SLC25A21: variants seen among roughly 807,000 people sequenced by gnomAD.
The protein encoded by SLC25A21 is solute carrier family 25 member 21, also known as mitochondrial 2-oxodicarboxylate carrier.
Under a neutral mutation model 43.8 loss-of-function variants are expected in SLC25A21, and 47 were observed. That is an observed-to-expected ratio of 1.07 (90% confidence interval 0.85 to 1.37). SLC25A21 has a LOEUF of 1.37. Ranked by LOEUF, SLC25A21 falls within the 40% of genes most tolerant of loss-of-function variation. The pLI, the probability that SLC25A21 is intolerant of heterozygous loss-of-function variation, is 0.00. For missense variants in SLC25A21, 352 were observed against 350.2 expected (o/e 1.00, Z -0.04); for synonymous variants, 131 against 121.3 (o/e 1.08, Z -0.52).
At chr14:37,058,158 G>A (rs1265777072) in intron 1 of SLC25A21, among the ~76,000 whole-genome samples, 1 of 152,142 alleles carries the variant, frequency 6.6e-6, no homozygotes, top group Non-Finnish European at 1.5e-5. Flanking sequence ...ATTGTTTTCT[G>A]CACTTATTCA....
chr14:37,140,566 T>G (rs190615590), intron 1 of SLC25A21, among the ~76,000 whole-genome samples: 64 of 152,254 alleles, frequency 4.2e-4, no homozygotes, highest in Non-Finnish European at 5.9e-5. Flanking sequence ...ACACAAAAAT[T>G]TATTGTAAAA....
chr14:37,096,096 A>T (rs1292938295), intron 1 of SLC25A21, among the ~76,000 whole-genome samples: 1 of 152,196 alleles, frequency 6.6e-6, no homozygotes, highest in African/African-American at 2.4e-5. Context: ...GTTCCAGATT[A>T]AGAGGGACTA....
rs577937225 is a variant in SLC25A21 at position 36,769,842 on chromosome 14, C to A, written c.204-35269G>T. Reference sequence around the variant, plus strand: ...TTTTACATTTCTTTAATTAAGATTTCTTACTCTTACACCTCTTTGGGAACT... The same window carrying A: ...TTTTACATTTCTTTAATTAAGATTTATTACTCTTACACCTCTTTGGGAACT... On this transcript the variant is annotated intron_variant, in intron 3 of 9. Transcript: ENST00000331299. Among the ~76,000 whole-genome samples the A allele has an allele frequency of 2.0e-5, 3 of 152,304 alleles. No individual in the cohort carries two copies. In the South Asian group the frequency reaches 6.2e-4, roughly 32 times the overall value.
chr14:36,784,270 C>T (rs1887172646), intron 3 of SLC25A21, among the ~76,000 whole-genome samples: 1 of 152,230 alleles, frequency 6.6e-6, no homozygotes, highest in Admixed American at 6.5e-5. Flanking sequence ...TCCTGTTTTA[C>T]ATCAGGCTTG....
chr14:36,787,936 C>T (rs1052385308), intron 3 of SLC25A21, among the ~76,000 whole-genome samples: 9 of 152,116 alleles, frequency 5.9e-5, no homozygotes, highest in Admixed American at 5.9e-4. Flanking sequence ...TCAGCTGTAT[C>T]AAACCAAGGT....
At chr14:37,132,787 T>C (rs1324944898) in intron 1 of SLC25A21, among the ~76,000 whole-genome samples, 3 of 151,950 alleles carry the variant, frequency 2.0e-5, no homozygotes, top group African/African-American at 7.3e-5. Flanking sequence ...TGGAGTTCAT[T>C]GGCACAAACA....
chr14:37,050,313 G>A (rs1439331094), intron 1 of SLC25A21, among the ~76,000 whole-genome samples: 4 of 152,186 alleles, frequency 2.6e-5, no homozygotes, highest in Non-Finnish European at 5.9e-5. Context: ...AATACAGTAA[G>A]TAATAGTAAA....
chr14:37,052,609 T>C (rs1241919082), intron 1 of SLC25A21, among the ~76,000 whole-genome samples: 5 of 151,916 alleles, frequency 3.3e-5, no homozygotes, highest in East Asian at 1.9e-4. Flanking sequence ...TTAATAACCA[T>C]GTACATTTAA....
chr14:36,897,824 C>A (rs1156620766), intron 1 of SLC25A21, among the ~76,000 whole-genome samples: 2 of 152,182 alleles, frequency 1.3e-5, no homozygotes, highest in African/African-American at 2.4e-5. Flanking sequence ...GCCTGGGTAT[C>A]AGCAGCAGAG....
At position 36,752,391 on chromosome 14, in the gene SLC25A21, T is replaced by C. The variant is rs183844640; in HGVS notation, c.204-17818A>G. Among the ~76,000 whole-genome samples the C allele has an allele frequency of 2.5e-3, 377 of 152,338 alleles. 2 individuals are homozygous for C. The highest frequency in any genetic ancestry group is 2.5e-3 in the Non-Finnish European group (172 of 68,030). On this transcript the variant is annotated intron_variant, in intron 3 of 9. Coordinates refer to ENST00000331299, the MANE Select transcript of SLC25A21 (RefSeq NM_030631.4). ...TACCATATGATCCAGCAATTCTACTTCTGGGTATATACCCACAAGAAGTGA... is the reference window on the plus strand; with the variant it reads ...TACCATATGATCCAGCAATTCTACTCCTGGGTATATACCCACAAGAAGTGA...
intron 1 of SLC25A21, among the ~76,000 whole-genome samples, chr14:36,944,060 C>A (rs1466011787): frequency 1.3e-5 from 2 of 152,118 alleles, no homozygotes; most frequent in Non-Finnish European, 2.9e-5. Flanking sequence ...CAAATTCATA[C>A]ATATAAAAAT....
intron 1 of SLC25A21, among the ~76,000 whole-genome samples, chr14:36,988,440 G>A (rs1960192730): frequency 6.6e-6 from 1 of 152,188 alleles, no homozygotes; most frequent in African/African-American, 2.4e-5. Context: ...ATCTTGCAGA[G>A]TGAAAGTATG....
At chr14:37,097,018 G>GGTT (rs1555346732) in intron 1 of SLC25A21, 1 of 145,150 alleles carries the variant, frequency 6.9e-6, no homozygotes, top group African/African-American at 2.7e-5. Flanking sequence ...CAAAGGGCTG[G>GGTT]TTTTTTTTTT....
intron 1 of SLC25A21, among the ~76,000 whole-genome samples, chr14:37,046,227 A>T (rs1304023903): frequency 6.6e-6 from 1 of 152,134 alleles, no homozygotes; most frequent in Non-Finnish European, 1.5e-5. Flanking sequence ...CGACGCTCTC[A>T]AGCTTTCCCA....
intron 3 of SLC25A21, among the ~76,000 whole-genome samples, chr14:36,748,452 G>A (rs748577426): frequency 2.0e-5 from 3 of 152,154 alleles, no homozygotes; most frequent in Non-Finnish European, 4.4e-5. Context: ...TGAGCTTTCT[G>A]GATTTACTGA....
intron 2 of SLC25A21, among the ~76,000 whole-genome samples, chr14:36,872,608 T>A (rs770276709): frequency 6.6e-6 from 1 of 152,186 alleles, no homozygotes; most frequent in Non-Finnish European, 1.5e-5. Context: ...TGATTGTGAA[T>A]CTTTATTCAA....
At chr14:36,807,931 C>T (rs1888102941) in intron 3 of SLC25A21, among the ~76,000 whole-genome samples, 1 of 152,090 alleles carries the variant, frequency 6.6e-6, no homozygotes. Flanking sequence ...ACCAAATTAG[C>T]CAATTATGCT....
intron 1 of SLC25A21, among the ~76,000 whole-genome samples, chr14:37,021,239 A>C (rs1447320091): frequency 2.0e-5 from 3 of 151,962 alleles, no homozygotes; most frequent in Non-Finnish European, 2.9e-5. Context: ...AATGACTTTA[A>C]AGAAGGAAAT....
Position 37,142,798 on chromosome 14 carries a change from T to C in SLC25A21, c.70+29483A>G, listed in dbSNP as rs577379183. On this transcript the variant is annotated intron_variant, in intron 1 of 9. Coordinates refer to ENST00000331299, the MANE Select transcript of SLC25A21 (RefSeq NM_030631.4). The stretch of plus-strand genomic sequence containing the variant: ...CCTGACTGTCAGAATGAATTGTAAA[T>C]TTTCTTCGAAATAGTAGTATCTGAG... 2.6e-5 allele frequency among the ~76,000 whole-genome samples: 4 copies of C among 152,304 alleles called. No homozygotes were observed. In the East Asian group the frequency reaches 5.8e-4, roughly 22 times the overall value.
Sources: allele counts gnomAD v4.1 joint callset (sites outside exome capture counted in the v4.1 genomes callset), GRCh38; gene constraint gnomAD v4.1.1; transcripts MANE v1.5; gene names NCBI Gene and HGNC (gene_info 2026-07-23, HGNC 2026-07-21).